Variants in VEPH1 observed in about 807,000 individuals in gnomAD.
The protein encoded by VEPH1 is ventricular zone expressed PH domain containing 1.
Under a neutral mutation model 85.2 loss-of-function variants are expected in VEPH1, and 80 were observed. The observed-to-expected ratio is 0.94, with a 90% CI of 0.78 to 1.13. The LOEUF (loss-of-function observed/expected upper bound fraction) is 1.13, where lower values mean the gene tolerates loss of function less well. Ranked by LOEUF, VEPH1 falls within the 50% of genes most tolerant of loss-of-function variation. The pLI, the probability that VEPH1 is intolerant of heterozygous loss-of-function variation, is 0.00. For synonymous variants in VEPH1, 297 were observed against 348.0 expected (o/e 0.85, Z 1.63); for missense variants, 955 against 980.5 (o/e 0.97, Z 0.35).
chr3:157,368,339 CT>C (rs1225538198), intron 7 of VEPH1, among the ~76,000 whole-genome samples: 111 of 152,266 alleles, frequency 7.3e-4, no homozygotes, highest in African/African-American at 2.6e-3. Context: ...GTTCAAGTTG[CT>C]TTATAGCATT....
intron 6 of VEPH1, among the ~76,000 whole-genome samples, chr3:157,392,827 C>T (rs752167384): frequency 1.4e-4 from 22 of 152,142 alleles, no homozygotes; most frequent in South Asian, 4.1e-4. Flanking sequence ...AACAGTTCGG[C>T]GGCAGATACT....
chr3:157,289,620 C>T (rs1176215463), intron 11 of VEPH1, among the ~76,000 whole-genome samples: 1 of 152,196 alleles, frequency 6.6e-6, no homozygotes, highest in African/African-American at 2.4e-5. Flanking sequence ...GAATTTTGAC[C>T]TCTTAAATGT....
chr3:157,323,323 T>A (rs1559958358), intron 9 of VEPH1, among the ~76,000 whole-genome samples: 2 of 152,232 alleles, frequency 1.3e-5, no homozygotes, highest in Admixed American at 1.3e-4. Context: ...TGGACACTGC[T>A]TTAATCATTT....
intron 2 of VEPH1, among the ~76,000 whole-genome samples, chr3:157,479,995 CTCTT>C (rs758034994): frequency 1.5e-4 from 23 of 151,910 alleles, no homozygotes; most frequent in African/African-American, 3.4e-4. Flanking sequence ...TTCACTTTCT[CTCTT>C]TCTTTCTTTT....
chr3:157,317,042 T>A lies in VEPH1; in HGVS notation c.1875+20A>T. 1 of 1,602,714 alleles carries A rather than the reference T, an allele frequency of 6.2e-7. No homozygotes were observed. The highest frequency in any genetic ancestry group is 8.5e-7 in the Non-Finnish European group (1 of 1,175,418). ...CCCAGAAGCTCATTAAAGAGCCTGA[T>A]GAACACAAATTATACAAACCTGCTG... is the stretch of plus-strand genomic sequence containing the variant. On this transcript the variant is annotated intron_variant, in intron 10 of 13. Transcript: ENST00000362010.
At chr3:157,362,755 C>T (rs1045878288) in intron 9 of VEPH1, among the ~76,000 whole-genome samples, 3 of 152,100 alleles carry the variant, frequency 2.0e-5, no homozygotes, top group Admixed American at 6.6e-5. Context: ...GCATGTTTAA[C>T]GTAAGCTAGG....
chr3:157,462,413 A>G (rs1735965417), intron 3 of VEPH1, among the ~76,000 whole-genome samples: 1 of 152,268 alleles, frequency 6.6e-6, no homozygotes, highest in East Asian at 1.9e-4. Flanking sequence ...TTTATAAACA[A>G]CCTTTGTCTT....
chr3:157,293,110 G>A (rs998049887), intron 11 of VEPH1, among the ~76,000 whole-genome samples: 63 of 152,160 alleles, frequency 4.1e-4, no homozygotes, highest in Non-Finnish European at 8.8e-5. Context: ...TGTGCAATAC[G>A]GCAAGAAGAG....
rs758021550 is a variant in VEPH1 at position 157,313,673 on chromosome 3, C to G, written c.1958G>C (p.Gly653Ala). 2.5e-6 allele frequency: 4 copies of G among 1,613,974 alleles called. No homozygotes were observed. Among genetic ancestry groups the G allele is most frequent in the Admixed American group, 3.3e-5 (2 of 60,000 alleles). ...CATGGCAGTTTCAAAGCTGTGAGCACCCCCTGCCTGGGTCTTCTCCCACAG... is the reference window on the plus strand; with the variant it reads ...CATGGCAGTTTCAAAGCTGTGAGCAGCCCCTGCCTGGGTCTTCTCCCACAG... ...RALWEKTQAG[G>A]AHSFETAMME... is the part of the protein sequence containing the mutation. Residue 653 changes from glycine (G) to alanine (A), a missense_variant, in exon 11 of 14, where the codon GGT becomes GCT. Transcript: ENST00000362010.
At chr3:157,318,488 G>C (rs1211837420) in intron 9 of VEPH1, among the ~76,000 whole-genome samples, 1 of 151,956 alleles carries the variant, frequency 6.6e-6, no homozygotes, top group African/African-American at 2.4e-5. Flanking sequence ...TCTGCCTATA[G>C]ACCCAGCTAC....
intron 6 of VEPH1, among the ~76,000 whole-genome samples, chr3:157,411,111 T>C (rs1389851064): frequency 1.3e-5 from 2 of 152,158 alleles, no homozygotes. Flanking sequence ...GCTGAAAGAC[T>C]GATGCAATGG....
At chr3:157,263,661 T>C (rs1713214768) in intron 13 of VEPH1, among the ~76,000 whole-genome samples, 1 of 152,206 alleles carries the variant, frequency 6.6e-6, no homozygotes, top group East Asian at 1.9e-4. Context: ...CATCTGTATA[T>C]GTTATAACAC....
intron 7 of VEPH1, among the ~76,000 whole-genome samples, chr3:157,366,895 G>T (rs1726769973): frequency 2.0e-5 from 3 of 152,190 alleles, no homozygotes; most frequent in African/African-American, 7.2e-5. Context: ...GAAGCACTGC[G>T]TTAGCAGGGT....
rs1376602690 is a variant in VEPH1, at chr3:157,260,158, C to T, written c.*976G>A. ...TAATATGGGAGAGATGATCCCATCA[C>T]TTTTGCCATATTCTGTTGGTTAGAA... On this transcript the variant is annotated 3_prime_UTR_variant, in exon 14 of 14. Transcript: ENST00000362010. 4 of 152,144 alleles carry T rather than the reference C, an allele frequency of 2.6e-5. No homozygotes were observed. Among genetic ancestry groups the T allele is most frequent in the African/African-American group, 9.7e-5 (4 of 41,432 alleles). The allele number at this position is 152,144 out of a possible 1,614,324, so 9.4% of individuals were successfully genotyped here. A position where few individuals can be genotyped will look rare whatever the true frequency, so the allele number is the denominator to read the frequency against.
chr3:157,290,138 AT>A (rs1717311220), intron 11 of VEPH1, among the ~76,000 whole-genome samples: 1 of 152,024 alleles, frequency 6.6e-6, no homozygotes, highest in Non-Finnish European at 1.5e-5. Context: ...AAGGAACCAA[AT>A]TGCCACATTA....
intron 2 of VEPH1, chr3:157,488,919 TCTCTCTCTC>T: frequency 9.6e-6 from 1 of 104,276 alleles, no homozygotes; most frequent in Non-Finnish European, 2.0e-5. Context: ...GTTCTCTCTC[TCTCTCTCTC>T]TCTCTCTCTC....
At chr3:157,358,449 C>G (rs1018196455) in intron 9 of VEPH1, among the ~76,000 whole-genome samples, 2 of 152,110 alleles carry the variant, frequency 1.3e-5, no homozygotes, top group African/African-American at 4.8e-5. Flanking sequence ...TCTCTGGCTC[C>G]AAATTTTACA....
intron 6 of VEPH1, among the ~76,000 whole-genome samples, chr3:157,406,172 C>T (rs949065440): frequency 4.6e-5 from 7 of 152,238 alleles, no homozygotes; most frequent in African/African-American, 1.7e-4. Flanking sequence ...TAAGTAGCAG[C>T]CACTGGCACC....
chr3:157,493,873 T>C (rs957195638), intron 2 of VEPH1, among the ~76,000 whole-genome samples: 9 of 152,234 alleles, frequency 5.9e-5, no homozygotes, highest in African/African-American at 1.9e-4. Context: ...CTTTGATTAC[T>C]GTTTTGTTTT....
Sources: allele counts gnomAD v4.1 joint callset (sites outside exome capture counted in the v4.1 genomes callset), GRCh38; gene constraint gnomAD v4.1.1; transcripts MANE v1.5; gene names NCBI Gene and HGNC (gene_info 2026-07-23, HGNC 2026-07-21).